DERA: variants seen among roughly 807,000 people sequenced by gnomAD.
DERA encodes the protein 2-deoxy-D-ribose 5-phosphate aldolase.
DERA carries 15 observed loss-of-function variants against 41.1 expected under a neutral mutation model. The observed-to-expected ratio is 0.37, with a 90% CI of 0.24 to 0.56. The LOEUF is 0.56. Ranked by LOEUF, DERA falls within the 20% of genes least tolerant of loss-of-function variation. The pLI is 0.81. For missense variants in DERA, 396 were observed against 403.4 expected, an observed-to-expected ratio of 0.98 and a Z score of 0.16; for synonymous variants, 139 against 137.4, an observed-to-expected ratio of 1.01 and a Z score of -0.08.
At chr12:15,920,796 C>T (rs140260223) in intron 1 of DERA, among the ~76,000 whole-genome samples, 89 of 152,344 alleles carry the variant, frequency 5.8e-4, no homozygotes, top group African/African-American at 2.1e-3. Flanking sequence ...GATTGCGCCA[C>T]TACACTCCAT....
At chr12:15,986,147 G>A (rs774139560) in intron 6 of DERA, among the ~76,000 whole-genome samples, 33 of 151,994 alleles carry the variant, frequency 2.2e-4, no homozygotes, top group Non-Finnish European at 3.5e-4. Context: ...TACTAATGAT[G>A]TTCATCTGGC....
In DERA at chr12:16,037,020, G is replaced by A; in HGVS notation, c.*274G>A. 1.1e-5 allele frequency: 4 copies of A among 356,672 alleles called. No individual in the cohort carries two copies. The highest frequency in any genetic ancestry group is 1.5e-5 in the Non-Finnish European group (3 of 200,108). The allele number at this position is 356,672 out of a possible 1,614,324, so 22.1% of individuals were successfully genotyped here. On this transcript the variant is annotated 3_prime_UTR_variant, in exon 9 of 9. Coordinates refer to ENST00000428559, the MANE Select transcript of DERA (RefSeq NM_015954.4). The surrounding 1 kb of genome is among the most constrained non-coding windows in gnomAD (Gnocchi z 6.7). Reference sequence around the variant, plus strand: ...TAAAAACTTTAAGTAAAATGTTAATGGTAGCTTTGATAACATCAAATTCTA... The same window carrying A: ...TAAAAACTTTAAGTAAAATGTTAATAGTAGCTTTGATAACATCAAATTCTA...
Position 15,957,247 on chromosome 12 carries a change from G to A in DERA, c.129+214G>A, listed in dbSNP as rs549871116. On this transcript the variant is annotated intron_variant, in intron 2 of 8. Coordinates refer to ENST00000428559, the MANE Select transcript of DERA (RefSeq NM_015954.4). This position sits in a 1 kb window ranked among gnomAD's most constrained non-coding sequence, Gnocchi z 4.8. ...GTTAAAATCTTATCACTCTTGAGTG[G>A]CAAAACCGCAAATGAATTTGAGGCA... Among the ~76,000 whole-genome samples the A allele has an allele frequency of 6.6e-6, 1 of 152,248 alleles. No individual in the cohort carries two copies. Among genetic ancestry groups the A allele is most frequent in the Admixed American group, 6.5e-5 (1 of 15,282 alleles).
In DERA at chr12:15,990,028, G is replaced by T. The variant is rs897455221; in HGVS notation, c.637+7592G>T. On this transcript the variant is annotated intron_variant, in intron 6 of 8. Transcript: ENST00000428559. This position sits in a 1 kb window ranked among gnomAD's most constrained non-coding sequence, Gnocchi z 4.3. ...TGGTTATCAATTCAAATGCAGCAAG[G>T]TATGTGAGTGCATCATAAACTGTAA... Among the ~76,000 whole-genome samples the T allele has an allele frequency of 6.6e-6, 1 of 152,182 alleles. No homozygotes were observed. The highest frequency in any genetic ancestry group is 2.4e-5 in the African/African-American group (1 of 41,448).
chr12:16,031,611 C>T (rs1949092652), intron 6 of DERA, among the ~76,000 whole-genome samples: 1 of 152,150 alleles, frequency 6.6e-6, no homozygotes, highest in South Asian at 2.1e-4. Flanking sequence ...CCTTGTAACA[C>T]GTGAAAGAGG....
chr12:15,958,358 A>C lies in DERA; in HGVS notation c.277+23A>C, dbSNP rs1370050278. On this transcript the variant is annotated intron_variant, in intron 3 of 8. Coordinates refer to ENST00000428559, the MANE Select transcript of DERA (RefSeq NM_015954.4). ...AAGGTAATGTTGTTGTGTGTGATCT[A>C]TGTGGTGTTTAGTGCTTACAATACT... 5 of 1,580,558 alleles carry C rather than the reference A, an allele frequency of 3.2e-6. No individual in the cohort carries two copies. In the East Asian group the frequency reaches 9.0e-5, roughly 28 times the overall value.
rs1407221069 is a variant in DERA, at chr12:16,019,879, G to C, written c.638-12663G>C. Among the ~76,000 whole-genome samples the C allele has an allele frequency of 6.6e-6, 1 of 152,188 alleles. No homozygotes were observed. The highest frequency in any genetic ancestry group is 1.5e-5 in the Non-Finnish European group (1 of 68,028). On this transcript the variant is annotated intron_variant, in intron 6 of 8. Transcript: ENST00000428559. The surrounding 1 kb of genome is among the most constrained non-coding windows in gnomAD (Gnocchi z 4.4). ...CAGTGTTAGAGATGGGGCCTGGTGGGAGGGGATTGGATCATGGAGGTAGAT... is the reference window on the plus strand; with the variant it reads ...CAGTGTTAGAGATGGGGCCTGGTGGCAGGGGATTGGATCATGGAGGTAGAT...
At chr12:15,979,043 G>A (rs979437743) in intron 5 of DERA, among the ~76,000 whole-genome samples, 1 of 152,186 alleles carries the variant, frequency 6.6e-6, no homozygotes, top group African/African-American at 2.4e-5. Flanking sequence ...GTTGGGGTGT[G>A]AATCCATATA....
chr12:16,007,672 G>A (rs1678609210), intron 6 of DERA, among the ~76,000 whole-genome samples: 1 of 152,128 alleles, frequency 6.6e-6, no homozygotes, highest in Admixed American at 6.5e-5. Context: ...TTAGGATGGG[G>A]GTTGTCTCCC....
chr12:15,962,428 C>A (rs1361665186), intron 4 of DERA, among the ~76,000 whole-genome samples: 1 of 152,152 alleles, frequency 6.6e-6, no homozygotes, highest in Non-Finnish European at 1.5e-5. Context: ...GATTTGGACC[C>A]AGAACTAGTG....
At chr12:15,926,553 G>A (rs1339002795) in intron 1 of DERA, among the ~76,000 whole-genome samples, 7 of 151,850 alleles carry the variant, frequency 4.6e-5, no homozygotes, top group Non-Finnish European at 1.0e-4. Flanking sequence ...TGGCTAACAC[G>A]GTGAAACAGC....
At chr12:16,018,258 C>G (rs1446080573) in intron 6 of DERA, among the ~76,000 whole-genome samples, 4 of 152,034 alleles carry the variant, frequency 2.6e-5, no homozygotes, top group Non-Finnish European at 5.9e-5. Flanking sequence ...ATAATTTGAT[C>G]CGTTAATCTT....
rs1045310462 is a variant in DERA at position 15,943,070 on chromosome 12, C to A, written c.32-13866C>A. Among the ~76,000 whole-genome samples, 1 of 152,104 alleles carries A rather than the reference C, an allele frequency of 6.6e-6. No individual in the cohort carries two copies. The highest frequency in any genetic ancestry group is 1.5e-5 in the Non-Finnish European group (1 of 68,018). On this transcript the variant is annotated intron_variant, in intron 1 of 8. Coordinates refer to ENST00000428559, the MANE Select transcript of DERA (RefSeq NM_015954.4). This position sits in a 1 kb window ranked among gnomAD's most constrained non-coding sequence, Gnocchi z 4.5. ...GTTGGGGAGAGGGACAGCGATGTCACCCCTGACAGTGTGTTCTAATCTGTA... is the reference window on the plus strand; with the variant it reads ...GTTGGGGAGAGGGACAGCGATGTCAACCCTGACAGTGTGTTCTAATCTGTA...
intron 4 of DERA, among the ~76,000 whole-genome samples, chr12:15,960,755 G>A (rs868677077): frequency 2.6e-5 from 4 of 151,642 alleles, no homozygotes; most frequent in Non-Finnish European, 4.4e-5. Context: ...AGAAAGCATC[G>A]TCGTGGAGAT....
In DERA at chr12:15,996,141, GAC is replaced by G. The variant is rs749622311; in HGVS notation, c.637+13715_637+13716del. Among the ~76,000 whole-genome samples the G allele has an allele frequency of 4.2e-5, 6 of 144,092 alleles. No homozygotes were observed. The highest frequency in any genetic ancestry group is 2.4e-4 in the South Asian group (1 of 4,196). The allele number at this position is 144,092 out of a possible 152,430, so 94.5% of individuals were successfully genotyped here. On this transcript the variant is annotated intron_variant, in intron 6 of 8. Transcript: ENST00000428559. The surrounding 1 kb of genome is among the most constrained non-coding windows in gnomAD (Gnocchi z 4.7). ...GAAAATTATTTCATATGCAGACACA[GAC>G]ACACACACAGAGCATGTGTGTGTGT...
chr12:15,962,836 CAG>C lies in DERA; in HGVS notation c.399_400del (p.Gln133HisfsTer26), dbSNP rs767774349. On this transcript the variant is annotated frameshift_variant, in exon 5 of 9. Coordinates refer to ENST00000428559, the MANE Select transcript of DERA (RefSeq NM_015954.4). LOFTEE classifies it high-confidence loss of function. ...ASVAAGFPAGQTHLKTRLEEI... is the reference protein window; with the variant it reads ...ASVAAGFPAGXTHLKTRLEEI... ...AGTGGCCGCTGGATTTCCAGCTGGA[CAG>C]ACTCATTTGAAGACACGATTAGAAG... 4 of 1,554,412 alleles carry C rather than the reference CAG, an allele frequency of 2.6e-6. No homozygotes were observed. In the Admixed American group the frequency reaches 5.9e-5, roughly 23 times the overall value.
chr12:16,036,929 A>G lies in DERA; in HGVS notation c.*183A>G. The G allele has an allele frequency of 1.7e-6, 1 of 572,842 alleles. No individual in the cohort carries two copies. 35.5% of individuals were successfully genotyped at this position (572,842 alleles called of 1,614,324 possible). On this transcript the variant is annotated 3_prime_UTR_variant, in exon 9 of 9. Coordinates refer to ENST00000428559, the MANE Select transcript of DERA (RefSeq NM_015954.4). This position sits in a 1 kb window ranked among gnomAD's most constrained non-coding sequence, Gnocchi z 4.9. ...CTCATCCACATGTGGTACTCATTTC[A>G]GGCACATCTGAAATGATCTTAATTA...
chr12:15,930,055 G>C (rs1351497811), intron 1 of DERA, among the ~76,000 whole-genome samples: 2 of 152,178 alleles, frequency 1.3e-5, no homozygotes, highest in Admixed American at 6.5e-5. Context: ...TAACTGTGAA[G>C]ATTAAATGAG....
In DERA at chr12:15,911,600, G is replaced by A; in HGVS notation, c.31+186G>A. 1 of 703,306 alleles carries A rather than the reference G, an allele frequency of 1.4e-6. No homozygotes were observed. The highest frequency in any genetic ancestry group is 2.6e-6 in the Non-Finnish European group (1 of 390,654). 43.6% of individuals were successfully genotyped at this position (703,306 alleles called of 1,614,324 possible). A position where few individuals can be genotyped will look rare whatever the true frequency, so the allele number is the denominator to read the frequency against. ...AGGCCGAACCCGGCACGTTCGCGCC[G>A]CTTGTCTTTGCACCTAAGCTTTTAC... On this transcript the variant is annotated intron_variant, in intron 1 of 8. Transcript: ENST00000428559. The surrounding 1 kb of genome is among the most constrained non-coding windows in gnomAD (Gnocchi z 4.5).
Sources: gnomAD v4.1 joint callset for allele counts (sites outside exome capture counted in the v4.1 genomes callset) on GRCh38, gnomAD v4.1.1 for gene constraint, Gnocchi (gnomAD v3.1) non-coding constraint, MANE v1.5 for transcripts, NCBI Gene and HGNC (gene_info 2026-07-23, HGNC 2026-07-21) for gene names.